Variants in SLC26A7 observed in about 807,000 individuals in gnomAD.
SLC26A7 encodes the protein solute carrier family 26 member 7, also known as anion exchange transporter.
SLC26A7 carries 59 observed loss-of-function variants against 82.5 expected under a neutral mutation model. That is an observed-to-expected ratio of 0.72 (90% confidence interval 0.58 to 0.89). SLC26A7 has a LOEUF of 0.89. Ranked by LOEUF, SLC26A7 falls within the 40% of genes least tolerant of loss-of-function variation. The pLI, the probability that SLC26A7 is intolerant of heterozygous loss-of-function variation, is 0.00. For missense variants in SLC26A7, 820 were observed against 793.0 expected, an observed-to-expected ratio of 1.03 and a Z score of -0.41; for synonymous variants, 271 against 274.3, an observed-to-expected ratio of 0.99 and a Z score of 0.12.
intron 5 of SLC26A7, among the ~76,000 whole-genome samples, chr8:91,323,610 T>C (rs1353742873): frequency 6.6e-6 from 1 of 152,214 alleles, no homozygotes; most frequent in Non-Finnish European, 1.5e-5. Flanking sequence ...ACATTTGTTC[T>C]GAGACTTATT....
chr8:91,268,369 G>A (rs192725438), intron 2 of SLC26A7, among the ~76,000 whole-genome samples: 237 of 151,808 alleles, frequency 1.6e-3, no homozygotes, highest in Admixed American at 4.6e-3. Context: ...ATATTGACCC[G>A]TTTATCATTG....
intron 4 of SLC26A7, among the ~76,000 whole-genome samples, chr8:91,305,185 G>T (rs1171866257): frequency 2.0e-5 from 3 of 151,990 alleles, no homozygotes; most frequent in Admixed American, 2.0e-4. Context: ...AAAAAGGTCA[G>T]TTAAATGTTA....
chr8:91,223,844 C>T (rs931990389), intron 2 of SLC26A7, among the ~76,000 whole-genome samples: 1 of 152,024 alleles, frequency 6.6e-6, no homozygotes, highest in Non-Finnish European at 1.5e-5. Context: ...TTAAAGAAAT[C>T]TCATATTTCT....
At chr8:91,329,962 C>T (rs1813033502) in intron 5 of SLC26A7, among the ~76,000 whole-genome samples, 1 of 152,050 alleles carries the variant, frequency 6.6e-6, no homozygotes, top group South Asian at 2.1e-4. Flanking sequence ...TTATCATCCA[C>T]AACATAGAGA....
At chr8:91,330,523 CA>C (rs1813051445) in intron 5 of SLC26A7, among the ~76,000 whole-genome samples, 1 of 152,026 alleles carries the variant, frequency 6.6e-6, no homozygotes, top group Non-Finnish European at 1.5e-5. Flanking sequence ...ACAAAGAACA[CA>C]AAAAGTTAGG....
intron 2 of SLC26A7, among the ~76,000 whole-genome samples, chr8:91,285,535 CAGGGTT>C (rs1340906144): frequency 3.3e-5 from 5 of 152,222 alleles, no homozygotes; most frequent in African/African-American, 9.6e-5. Context: ...CTGAGGTACT[CAGGGTT>C]AGGAGTTCAA....
At position 91,393,748 on chromosome 8, in the gene SLC26A7, T is replaced by C. The variant is rs376611883; in HGVS notation, c.1777-49T>C. ...TTCTGAAGCCCATCTTATTTCCTCC[T>C]GCTGGCTATTCTGAATTAATTGTGG... On this transcript the variant is annotated intron_variant, in intron 16 of 18. Coordinates refer to ENST00000276609, the MANE Select transcript of SLC26A7 (RefSeq NM_052832.4). 1.2e-3 allele frequency: 1,851 copies of C among 1,589,068 alleles called. 11 individuals carry two copies. In the Middle Eastern group the frequency reaches 0.013, roughly 11 times the overall value.
At chr8:91,338,529 A>G (rs527532322) in intron 7 of SLC26A7, among the ~76,000 whole-genome samples, 1 of 152,310 alleles carries the variant, frequency 6.6e-6, no homozygotes, top group Admixed American at 6.5e-5. Flanking sequence ...AATGAGAGTT[A>G]TGATCTGGGA....
At position 91,389,357 on chromosome 8, in the gene SLC26A7, C is replaced by T. The variant is rs976881429; in HGVS notation, c.1695C>T (p.Cys565=). Residue 565 remains cysteine, a synonymous_variant, in exon 16 of 19, where the codon TGC becomes TGT. Coordinates refer to ENST00000276609, the MANE Select transcript of SLC26A7 (RefSeq NM_052832.4). ...GNCNEEASQS[C]PNEKCYLILD... ...CTACAGAAGAAGCTTCACAGTCCTG[C>T]CCTAATGAGAAGTGTTATTTAATCC... 1.2e-6 allele frequency: 2 copies of T among 1,613,808 alleles called. No homozygotes were observed. Among genetic ancestry groups the T allele is most frequent in the Non-Finnish European group, 1.7e-6 (2 of 1,179,730 alleles).
At chr8:91,394,430 T>G (rs1808510948) in intron 18 of SLC26A7, 2 of 1,417,018 alleles carry the variant, frequency 1.4e-6, no homozygotes, top group Non-Finnish European at 1.8e-6. Context: ...ATCTTGCCTC[T>G]AAGCTTATAT....
chr8:91,270,030 T>A (rs1484636334), intron 2 of SLC26A7, among the ~76,000 whole-genome samples: 1 of 152,190 alleles, frequency 6.6e-6, no homozygotes, highest in Non-Finnish European at 1.5e-5. Context: ...TTCTAAAATC[T>A]TAAAAAAGTA....
intron 4 of SLC26A7, among the ~76,000 whole-genome samples, chr8:91,305,742 TTAGA>T (rs35189008): frequency 0.055 from 8,333 of 152,274 alleles, 270 homozygotes; most frequent in African/African-American, 0.069. Flanking sequence ...TACACAAAAC[TTAGA>T]TAGACATTTC....
intron 2 of SLC26A7, among the ~76,000 whole-genome samples, chr8:91,279,881 C>G (rs1811522926): frequency 6.6e-6 from 1 of 152,150 alleles, no homozygotes; most frequent in African/African-American, 2.4e-5. Context: ...TTTAATATAC[C>G]TATTGGTCCT....
In SLC26A7 at chr8:91,394,760, A is replaced by C. The variant is rs1259273712; in HGVS notation, c.1936-302A>C. 5 of 1,084,474 alleles carry C rather than the reference A, an allele frequency of 4.6e-6. No individual in the cohort carries two copies. The African/African-American group carries it at 6.4e-5, about 14-fold the overall frequency. 67.2% of individuals were successfully genotyped at this position (1,084,474 alleles called of 1,614,324 possible). ...CCAGGAATATTCTAAAAGCTTTACTATGTTGTTTAACTGAATTTGCCATGA... is the reference window on the plus strand; with the variant it reads ...CCAGGAATATTCTAAAAGCTTTACTCTGTTGTTTAACTGAATTTGCCATGA... On this transcript the variant is annotated intron_variant, in intron 18 of 18. Transcript: ENST00000276609.
chr8:91,239,391 A>AT (rs1385660578), intron 2 of SLC26A7, among the ~76,000 whole-genome samples: 40 of 105,242 alleles, frequency 3.8e-4, no homozygotes, highest in Non-Finnish European at 4.0e-4. Flanking sequence ...AAAAAAAAAA[A>AT]AAAAATATAT....
At chr8:91,306,665 T>G (rs55843549) in intron 4 of SLC26A7, among the ~76,000 whole-genome samples, 65,121 of 151,956 alleles carry the variant, frequency 0.43, 17,402 homozygotes, top group South Asian at 0.61. Flanking sequence ...TGAACCAGAT[T>G]GATATTTTGT....
intron 3 of SLC26A7, among the ~76,000 whole-genome samples, chr8:91,294,373 A>G (rs1811958351): frequency 4.6e-5 from 7 of 152,050 alleles, no homozygotes; most frequent in Admixed American, 4.6e-4. Context: ...GGAGGCTACA[A>G]TCATCATGTT....
intron 15 of SLC26A7, among the ~76,000 whole-genome samples, chr8:91,381,728 C>G (rs1814675878): frequency 6.6e-6 from 1 of 152,092 alleles, no homozygotes; most frequent in Admixed American, 6.6e-5. Context: ...TCTCTCCCCT[C>G]CAAAGTTTCC....
At chr8:91,365,156 C>T (rs547572990) in intron 13 of SLC26A7, among the ~76,000 whole-genome samples, 1 of 146,456 alleles carries the variant, frequency 6.8e-6, no homozygotes, top group South Asian at 2.2e-4. Context: ...TATTCTTTAA[C>T]AAATACATTT....
Sources: gnomAD v4.1 joint callset for allele counts (sites outside exome capture counted in the v4.1 genomes callset) on GRCh38, gnomAD v4.1.1 for gene constraint, MANE v1.5 for transcripts, NCBI Gene and HGNC (gene_info 2026-07-23, HGNC 2026-07-21) for gene names.